NAV2: variants seen among roughly 807,000 people sequenced by gnomAD.
NAV2 encodes helicase, APC down-regulated 1.
Under a neutral mutation model 223.2 loss-of-function variants are expected in NAV2, and 54 were observed. That is an observed-to-expected ratio of 0.24 (90% confidence interval 0.19 to 0.30). The LOEUF (loss-of-function observed/expected upper bound fraction) is 0.30, where lower values mean the gene tolerates loss of function less well. Ranked by LOEUF, NAV2 falls within the 10% of genes least tolerant of loss-of-function variation. The pLI, the probability that NAV2 is intolerant of heterozygous loss-of-function variation, is 1.00. For synonymous variants in NAV2, 1,279 were observed against 1,239.3 expected, an observed-to-expected ratio of 1.03 and a Z score of -0.67; for missense variants, 2,806 against 3,147.5, an observed-to-expected ratio of 0.89 and a Z score of 2.60.
At chr11:19,688,992 C>T (rs2049095910) in intron 1 of NAV2, among the ~76,000 whole-genome samples, 2 of 152,144 alleles carry the variant, frequency 1.3e-5, no homozygotes, top group Non-Finnish European at 2.9e-5. Context: ...AGGAGGAAGG[C>T]TGTAAGCACA....
chr11:19,598,921 T>C (rs1302889459), intron 1 of NAV2, among the ~76,000 whole-genome samples: 3 of 152,212 alleles, frequency 2.0e-5, no homozygotes, highest in East Asian at 1.9e-4. Flanking sequence ...CTTGTGTTGA[T>C]TTTTGGTTCC....
intron 1 of NAV2, among the ~76,000 whole-genome samples, chr11:19,617,522 C>G (rs1284239077): frequency 1.3e-5 from 2 of 152,194 alleles, no homozygotes; most frequent in Non-Finnish European, 2.9e-5. Context: ...GGGACTTCCA[C>G]TCTCATGGAG....
At chr11:20,086,717 A>G (rs975773410) in intron 26 of NAV2, among the ~76,000 whole-genome samples, 3 of 152,180 alleles carry the variant, frequency 2.0e-5, no homozygotes, top group African/African-American at 7.2e-5. Context: ...GATATTCTTG[A>G]AGAAAAGTTG....
Position 20,075,205 on chromosome 11 carries a change from TTTTG to T in NAV2, c.4984-2343_4984-2340del, listed in dbSNP as rs1235284868. The stretch of plus-strand genomic sequence containing the variant: ...AATGCAGAGGCACTGTCTCCATGTT[TTTTG>T]TTTTTTTGTTTTGTTTTTTTTTTTT... On this transcript the variant is annotated intron_variant, in intron 22 of 37. Coordinates refer to ENST00000349880, the MANE Select transcript of NAV2 (RefSeq NM_145117.5). Among the ~76,000 whole-genome samples the T allele has an allele frequency of 3.3e-3, 346 of 106,458 alleles. 2 individuals carry two copies. The highest frequency in any genetic ancestry group is 0.012 in the African/African-American group (325 of 27,404). The allele number at this position is 106,458 out of a possible 152,430, so 69.8% of individuals were successfully genotyped here. A position where few individuals can be genotyped will look rare whatever the true frequency, so the allele number is the denominator to read the frequency against.
chr11:20,062,423 T>C (rs2058763100), intron 20 of NAV2, 64 bp downstream of exon 20: 2 of 1,267,378 alleles, frequency 1.6e-6, no homozygotes, highest in Admixed American at 4.1e-5. Context: ...ATCAAATGTG[T>C]CAAGAATAAA....
intron 1 of NAV2, among the ~76,000 whole-genome samples, chr11:19,504,051 A>G (rs755369071): frequency 2.0e-5 from 3 of 152,268 alleles, no homozygotes; most frequent in Admixed American, 6.5e-5. Context: ...GCAAAAACAC[A>G]TATAAAAAGA....
chr11:19,446,901 C>T (rs1851604701), intron 1 of NAV2, among the ~76,000 whole-genome samples: 1 of 152,194 alleles, frequency 6.6e-6, no homozygotes, highest in South Asian at 2.1e-4. Context: ...AGCCAAGCGT[C>T]AGCCTGGTCT....
chr11:19,454,967 G>A (rs914286290), intron 1 of NAV2, among the ~76,000 whole-genome samples: 9 of 152,126 alleles, frequency 5.9e-5, no homozygotes, highest in East Asian at 1.9e-4. Flanking sequence ...CATCACCTGC[G>A]AACAGGTTAG....
chr11:19,561,860 G>T (rs2045110545), intron 1 of NAV2, among the ~76,000 whole-genome samples: 1 of 152,132 alleles, frequency 6.6e-6, no homozygotes, highest in Admixed American at 6.5e-5. Flanking sequence ...CTGGGCCTTG[G>T]CTAAGAAGAG....
rs564185249 is a variant in NAV2, at chr11:19,685,443, C to T, written c.76-147041C>T. ...ACCCCCTTCCCAATATCTACTTGAG[C>T]AGGCCTGCAGGTATGGCCGGGCTGA... is the stretch of plus-strand genomic sequence containing the variant. On this transcript the variant is annotated intron_variant, in intron 1 of 37. Transcript: ENST00000360655. Among the ~76,000 whole-genome samples, 3 of 152,210 alleles carry T rather than the reference C, an allele frequency of 2.0e-5. No homozygotes were observed. The South Asian group carries it at 6.2e-4, about 32-fold the overall frequency.
intron 1 of NAV2, among the ~76,000 whole-genome samples, chr11:19,413,987 G>A (rs1313136277): frequency 6.6e-6 from 1 of 152,178 alleles, no homozygotes; most frequent in Non-Finnish European, 1.5e-5. Flanking sequence ...AAAGACCATT[G>A]ACACTATGAA....
rs7107759 is a variant in NAV2, at chr11:20,081,997, A to G, written c.5326-1010A>G. Among the ~76,000 whole-genome samples the G allele has an allele frequency of 7.2e-3, 1,097 of 152,320 alleles. 15 individuals carry two copies. The highest frequency in any genetic ancestry group is 0.025 in the African/African-American group (1,048 of 41,568). On this transcript the variant is annotated intron_variant, in intron 25 of 37. Coordinates refer to ENST00000349880, the MANE Select transcript of NAV2 (RefSeq NM_145117.5). ...CGGGGGGGAAAGAATTTTCAGATCCATCTCATGATTTGGGGAAATTGTAAT... is the reference window on the plus strand; with the variant it reads ...CGGGGGGGAAAGAATTTTCAGATCCGTCTCATGATTTGGGGAAATTGTAAT...
chr11:19,548,970 C>T (rs1031797936), intron 1 of NAV2, among the ~76,000 whole-genome samples: 1 of 151,810 alleles, frequency 6.6e-6, no homozygotes, highest in Non-Finnish European at 1.5e-5. Flanking sequence ...TCTCTTCATT[C>T]CCTTCTTTTT....
chr11:19,370,824 G>A (rs139811627), intron 1 of NAV2, among the ~76,000 whole-genome samples: 53 of 152,322 alleles, frequency 3.5e-4, no homozygotes, highest in African/African-American at 1.3e-3. Context: ...CATGCACCAG[G>A]AGACATGGCT....
intron 1 of NAV2, among the ~76,000 whole-genome samples, chr11:19,826,927 C>T (rs76838854): frequency 0.014 from 2,113 of 152,272 alleles, 31 homozygotes; most frequent in South Asian, 0.071. Flanking sequence ...GCCCCTGTGA[C>T]GCACTACCAG....
chr11:19,915,940 C>G (rs1280633984), intron 6 of NAV2, among the ~76,000 whole-genome samples: 2 of 152,146 alleles, frequency 1.3e-5, no homozygotes, highest in Non-Finnish European at 2.9e-5. Flanking sequence ...GACTCTGGAG[C>G]CACACAGATG....
intron 1 of NAV2, among the ~76,000 whole-genome samples, chr11:19,455,890 G>A (rs118152620): frequency 0.018 from 2,815 of 152,300 alleles, 38 homozygotes; most frequent in Non-Finnish European, 0.027. Flanking sequence ...GGATATTTGG[G>A]GGCCTGCCCG....
chr11:19,574,686 G>T (rs1565063873), intron 1 of NAV2, among the ~76,000 whole-genome samples: 1 of 152,184 alleles, frequency 6.6e-6, no homozygotes, highest in Non-Finnish European at 1.5e-5. Context: ...GCAAGACAAG[G>T]TTCCTGCTAC....
chr11:19,987,716 A>G (rs10766614), intron 11 of NAV2, among the ~76,000 whole-genome samples: 106,189 of 152,080 alleles, frequency 0.7, 38,011 homozygotes, highest in Middle Eastern at 0.83. Context: ...CTTCTAAGAA[A>G]TAATAAATGA....
Sources: gnomAD v4.1 joint callset for allele counts (sites outside exome capture counted in the v4.1 genomes callset) on GRCh38, gnomAD v4.1.1 for gene constraint, MANE v1.5 for transcripts, NCBI Gene and HGNC (gene_info 2026-07-23, HGNC 2026-07-21) for gene names.